RBFOX1: variants seen among roughly 807,000 people sequenced by gnomAD.
The protein encoded by RBFOX1 is RNA binding fox-1 homolog 1, also known as RNA binding protein fox-1 homolog 1.
RBFOX1 carries 8 observed loss-of-function variants against 57.7 expected under a neutral mutation model. That is an observed-to-expected ratio of 0.14 (90% confidence interval 0.08 to 0.25). RBFOX1 has a LOEUF of 0.25. RBFOX1 is among the 10% of genes least tolerant of loss of function. The pLI is 1.00. For synonymous variants in RBFOX1, 326 were observed against 222.4 expected (o/e 1.47, Z -4.15); for missense variants, 611 against 548.5 (o/e 1.11, Z -1.14).
intron 3 of RBFOX1, among the ~76,000 whole-genome samples, chr16:7,018,866 C>A (rs574444398): frequency 6.6e-6 from 1 of 151,948 alleles, no homozygotes; most frequent in Non-Finnish European, 1.5e-5. Context: ...CGACTGTAAT[C>A]TCAGCACATT....
At chr16:6,966,893 CTCCATCCATCCATCCATCCATCCA>C (rs35524908) in intron 3 of RBFOX1, among the ~76,000 whole-genome samples, 1 of 149,482 alleles carries the variant, frequency 6.7e-6, no homozygotes, top group Non-Finnish European at 1.5e-5. Flanking sequence ...CTATTCATCT[CTCCATCCATCCATCCATCCATCCA>C]TCCATCCATC....
chr16:6,341,773 A>G (rs980081221), intron 2 of RBFOX1, among the ~76,000 whole-genome samples: 1 of 152,092 alleles, frequency 6.6e-6, no homozygotes, highest in Non-Finnish European at 1.5e-5. Flanking sequence ...CTTTCTAAAT[A>G]AACTTGCTTT....
intron 5 of RBFOX1, among the ~76,000 whole-genome samples, chr16:7,573,651 T>A (rs1015586931): frequency 6.6e-6 from 1 of 151,902 alleles, no homozygotes; most frequent in Non-Finnish European, 1.5e-5. Context: ...CTGGCCAACA[T>A]TGTGAAACCC....
chr16:7,169,631 A>G (rs533547453), intron 4 of RBFOX1, among the ~76,000 whole-genome samples: 6 of 152,338 alleles, frequency 3.9e-5, no homozygotes, highest in African/African-American at 1.4e-4. Context: ...CCAGTGAAGA[A>G]ACAGAAATTC....
At chr16:5,498,152 TG>T (rs1471061969) in intron 2 of RBFOX1, among the ~76,000 whole-genome samples, 3 of 152,120 alleles carry the variant, frequency 2.0e-5, no homozygotes, top group Non-Finnish European at 4.4e-5. Flanking sequence ...TTTTTGTTTT[TG>T]TTTCTGAGAC....
At chr16:5,423,837 C>G (rs56293446) in intron 1 of RBFOX1, among the ~76,000 whole-genome samples, 1 of 152,148 alleles carries the variant, frequency 6.6e-6, no homozygotes, top group Admixed American at 6.5e-5. Flanking sequence ...GTTGTCTTCT[C>G]GAGCTCCAGT....
chr16:7,235,729 A>G (rs914928899), intron 4 of RBFOX1, among the ~76,000 whole-genome samples: 3 of 152,160 alleles, frequency 2.0e-5, no homozygotes, highest in African/African-American at 4.8e-5. Flanking sequence ...CTGCCTTGCA[A>G]TTTATATATT....
chr16:5,383,382 T>C (rs2066176842), intron 1 of RBFOX1, among the ~76,000 whole-genome samples: 1 of 152,224 alleles, frequency 6.6e-6, no homozygotes. Context: ...CCAAAACTCA[T>C]CTGGGTCTCC....
intron 1 of RBFOX1, among the ~76,000 whole-genome samples, chr16:6,316,399 A>G (rs776875317): frequency 6.6e-6 from 1 of 152,236 alleles, no homozygotes; most frequent in Non-Finnish European, 1.5e-5. Flanking sequence ...TATTACTGCT[A>G]GGATACCTTG....
intron 1 of RBFOX1, among the ~76,000 whole-genome samples, chr16:6,109,751 G>A (rs946532757): frequency 2.0e-5 from 3 of 152,090 alleles, no homozygotes; most frequent in African/African-American, 7.2e-5. Context: ...TAAAATTTAA[G>A]GGCAGCTGAA....
At chr16:6,698,774 G>T (rs978939487) in intron 3 of RBFOX1, among the ~76,000 whole-genome samples, 1 of 152,120 alleles carries the variant, frequency 6.6e-6, no homozygotes, top group Non-Finnish European at 1.5e-5. Context: ...CCCACGGTTT[G>T]ACTTTCTAAG....
intron 3 of RBFOX1, among the ~76,000 whole-genome samples, chr16:6,767,986 G>A (rs935334801): frequency 2.0e-5 from 3 of 149,238 alleles, no homozygotes; most frequent in East Asian, 4.0e-4. Context: ...AGAAGAAGAA[G>A]AAATTATGGA....
At chr16:5,599,107 A>G (rs1187358315) in exon 3 of RBFOX1, 4 of 827,330 alleles carry the variant, frequency 4.8e-6, no homozygotes, top group Non-Finnish European at 8.0e-6. Context: ...TTTGAGGGGA[A>G]TAAATTTTCC....
chr16:7,198,282 G>A (rs550882912), intron 4 of RBFOX1, among the ~76,000 whole-genome samples: 3 of 152,232 alleles, frequency 2.0e-5, no homozygotes, highest in Admixed American at 6.5e-5. Flanking sequence ...TGGGATTACA[G>A]GCGTAAGCCA....
chr16:7,366,327 C>G (rs1399915113), intron 4 of RBFOX1, among the ~76,000 whole-genome samples: 2 of 152,204 alleles, frequency 1.3e-5, no homozygotes, highest in African/African-American at 4.8e-5. Context: ...AGCACCCTGG[C>G]TGAAAATCAC....
At chr16:7,151,132 A>T (rs375043373) in intron 4 of RBFOX1, among the ~76,000 whole-genome samples, 3 of 152,194 alleles carry the variant, frequency 2.0e-5, no homozygotes, top group East Asian at 3.9e-4. Flanking sequence ...GCAATGTCCT[A>T]TGTAAACTTA....
At position 6,776,268 on chromosome 16, in the gene RBFOX1, G is replaced by A. The variant is rs187589857; in HGVS notation, c.-16+121618G>A. On this transcript the variant is annotated intron_variant, in intron 3 of 15. Transcript: ENST00000550418. ...CTACTAAAAATACAAAAAATTAGCC[G>A]GGCGTGGTGGCGGGTGCCTGTAGTC... 9.2e-5 allele frequency among the ~76,000 whole-genome samples: 14 copies of A among 152,026 alleles called. No homozygotes were observed. The East Asian group carries it at 1.6e-3, about 17-fold the overall frequency.
At chr16:6,852,166 C>T (rs1164171484) in intron 3 of RBFOX1, among the ~76,000 whole-genome samples, 1 of 152,100 alleles carries the variant, frequency 6.6e-6, no homozygotes, top group African/African-American at 2.4e-5. Context: ...AAATCAGTGT[C>T]ACTGGCCTGC....
intron 12 of RBFOX1, among the ~76,000 whole-genome samples, chr16:7,664,472 T>C (rs190239598): frequency 6.6e-6 from 1 of 152,306 alleles, no homozygotes; most frequent in East Asian, 1.9e-4. Flanking sequence ...CTCTAGCCCA[T>C]ACTGAGAATG....
Sources: gnomAD v4.1 joint callset for allele counts (sites outside exome capture counted in the v4.1 genomes callset) on GRCh38, gnomAD v4.1.1 for gene constraint, MANE v1.5 for transcripts, NCBI Gene and HGNC (gene_info 2026-07-23, HGNC 2026-07-21) for gene names.